The following TRDN variants were observed in gnomAD, a reference collection of about 807,000 sequenced individuals.
TRDN encodes triadin in skeletal muscle.
In TRDN, 161 loss-of-function variants were observed where a neutral mutation model predicts 149.7. The observed-to-expected ratio is 1.08, with a 90% confidence interval of 0.95 to 1.23. TRDN has a LOEUF of 1.23. TRDN is among the 50% of genes most tolerant of loss of function. The pLI, the probability that TRDN is intolerant of heterozygous loss-of-function variation, is 0.00. For missense variants in TRDN, 896 were observed against 823.5 expected (o/e 1.09, Z -1.08); for synonymous variants, 294 against 250.5 (o/e 1.17, Z -1.64).
intron 1 of TRDN, among the ~76,000 whole-genome samples, chr6:123,619,285 T>C (rs1785257698): frequency 6.6e-6 from 1 of 152,132 alleles, no homozygotes; most frequent in South Asian, 2.1e-4. Flanking sequence ...CTGCCTCTGC[T>C]CCACAGTTGT....
chr6:123,351,330 T>A (rs1229794491), intron 21 of TRDN: 2 of 958,926 alleles, frequency 2.1e-6, no homozygotes, highest in Non-Finnish European at 2.5e-6. Context: ...AGATCAGGGA[T>A]AATTACCTTT....
intron 22 of TRDN, among the ~76,000 whole-genome samples, chr6:123,336,511 C>T (rs751279588): frequency 6.6e-6 from 1 of 151,964 alleles, no homozygotes; most frequent in Non-Finnish European, 1.5e-5. Flanking sequence ...CAGGAAAAAA[C>T]TTCCTGGTCA....
Position 123,382,958 on chromosome 6 carries a change from C to A in TRDN, c.1136-811G>T, listed in dbSNP as rs577840810. Among the ~76,000 whole-genome samples, 3 of 152,092 alleles carry A rather than the reference C, an allele frequency of 2.0e-5. 1 individual carries two copies. The South Asian group carries it at 6.2e-4, about 32-fold the overall frequency. ...TTTTTTAATCTTCTTTGTCCTTTTA[C>A]TGTTTCTGTAAGAACTTTTAAATTC... On this transcript the variant is annotated intron_variant, in intron 14 of 40. Transcript: ENST00000334268.
At chr6:123,574,235 C>T (rs1404007404) in intron 1 of TRDN, among the ~76,000 whole-genome samples, 7 of 151,644 alleles carry the variant, frequency 4.6e-5, no homozygotes, top group African/African-American at 1.5e-4. Flanking sequence ...ATAGTGACAA[C>T]AAATCTCTTT....
intron 2 of TRDN, among the ~76,000 whole-genome samples, chr6:123,552,115 T>G (rs919414921): frequency 6.6e-6 from 1 of 152,120 alleles, no homozygotes; most frequent in Non-Finnish European, 1.5e-5. Context: ...TTATATGAGA[T>G]AAGAAATGTT....
Position 123,227,751 on chromosome 6 carries a change from T to TTTTG in TRDN, c.1976-3624_1976-3621dup, listed in dbSNP as rs376530623. Among the ~76,000 whole-genome samples the TTTTG allele has an allele frequency of 1.7e-3, 202 of 117,220 alleles. 5 individuals are homozygous for TTTTG. The East Asian group carries it at 0.031, about 18-fold the overall frequency. The allele number at this position is 117,220 out of a possible 152,430, so 76.9% of individuals were successfully genotyped here. A position where few individuals can be genotyped will look rare whatever the true frequency, so the allele number is the denominator to read the frequency against. The stretch of plus-strand genomic sequence containing the variant: ...TTTGTTTGTTTGTTTGTTTGTTTGT[T>TTTTG]TTTGTTTGTTTTTTGAGATAAGATC... On this transcript the variant is annotated intron_variant, in intron 38 of 40. Coordinates refer to ENST00000334268, the MANE Select transcript of TRDN (RefSeq NM_006073.4).
chr6:123,544,943 C>T (rs530073639), intron 4 of TRDN, among the ~76,000 whole-genome samples: 3 of 151,954 alleles, frequency 2.0e-5, no homozygotes, highest in South Asian at 4.1e-4. Flanking sequence ...ACCATTATTC[C>T]ATACCAAATT....
At chr6:123,259,427 A>G (rs1776679900) in intron 35 of TRDN, among the ~76,000 whole-genome samples, 197 bp downstream of exon 35, 1 of 152,108 alleles carries the variant, frequency 6.6e-6, no homozygotes, top group Non-Finnish European at 1.5e-5. Flanking sequence ...TGATCCTTTT[A>G]GATATTTAAT....
At chr6:123,590,600 T>TA (rs1340758168) in intron 1 of TRDN, among the ~76,000 whole-genome samples, 1 of 151,982 alleles carries the variant, frequency 6.6e-6, no homozygotes, top group African/African-American at 2.4e-5. Flanking sequence ...CCGTCTCTAC[T>TA]AAAAATACAA....
At chr6:123,505,118 C>A (rs1302453574) in intron 7 of TRDN, among the ~76,000 whole-genome samples, 1 of 151,804 alleles carries the variant, frequency 6.6e-6, no homozygotes, top group Non-Finnish European at 1.5e-5. Flanking sequence ...GTGGTGCATG[C>A]CTGTAATCCC....
At chr6:123,464,376 T>TTG in intron 10 of TRDN, 7 of 973,690 alleles carry the variant, frequency 7.2e-6, no homozygotes, top group Non-Finnish European at 8.5e-6. Flanking sequence ...AAAACAGTAT[T>TTG]TGTGTGTGTG....
At chr6:123,254,909 A>G (rs1342030394) in intron 37 of TRDN, 172 bp downstream of exon 37, 1 of 547,254 alleles carries the variant, frequency 1.8e-6, no homozygotes. Context: ...CTTATTTTCT[A>G]TTGAAATATA....
intron 10 of TRDN, among the ~76,000 whole-genome samples, chr6:123,453,911 G>GTGTGTGTGTGTA (rs1411312249): frequency 8.6e-5 from 13 of 151,962 alleles, no homozygotes; most frequent in African/African-American, 2.9e-4. Context: ...GTGTGTGTGT[G>GTGTGTGTGTGTA]TGTATGTATA....
chr6:123,249,644 T>G (rs1375620538), intron 38 of TRDN, among the ~76,000 whole-genome samples: 1 of 151,850 alleles, frequency 6.6e-6, no homozygotes, highest in Non-Finnish European at 1.5e-5. Context: ...ATGGATGGAG[T>G]TGAAGCCCAT....
chr6:123,276,523 G>A (rs1431290), intron 26 of TRDN, among the ~76,000 whole-genome samples: 27,505 of 151,936 alleles, frequency 0.18, 3,079 homozygotes, highest in East Asian at 0.54. Context: ...ACCGTTAATC[G>A]AATAAGAACT....
intron 8 of TRDN, 108 bp downstream of exon 8, chr6:123,503,611 C>A: frequency 2.6e-6 from 4 of 1,533,210 alleles, no homozygotes; most frequent in Non-Finnish European, 3.5e-6. Context: ...TCTTTTACCC[C>A]CATTTGAAGT....
intron 9 of TRDN, among the ~76,000 whole-genome samples, chr6:123,475,201 C>T (rs1173966049): frequency 3.0e-4 from 45 of 148,362 alleles, no homozygotes; most frequent in African/African-American, 8.4e-4. Context: ...ATCAAATAGA[C>T]GCAATAAAAA....
At position 123,571,093 on chromosome 6, in the gene TRDN, T is replaced by C. The variant is rs1311784170; in HGVS notation, c.62A>G (p.Asn21Ser). 6.2e-7 allele frequency: 1 copy of C among 1,613,834 alleles called. No individual in the cohort carries two copies. The highest frequency in any genetic ancestry group is 2.2e-5 in the East Asian group (1 of 44,882). The change falls in exon 2 of 41, where the codon AAT becomes AGT. Residue 21 changes from asparagine (N) to serine (S), a missense_variant. Asn to Ser is a conservative substitution (Grantham distance 46). Coordinates refer to ENST00000334268, the MANE Select transcript of TRDN (RefSeq NM_006073.4). ...TCCGGGGGATTTGGGCACAGATCCA[T>C]TTTTGCTGTCTATCACAGTTGTGGT... ...STTTTVIDSK[N>S]GSVPKSPGKV...
At chr6:123,255,325 A>G (rs1413216404) in intron 36 of TRDN, among the ~76,000 whole-genome samples, 200 bp from the exon 37 acceptor site, 2 of 152,140 alleles carry the variant, frequency 1.3e-5, no homozygotes, top group Non-Finnish European at 2.9e-5. Context: ...ACAGAGGTAT[A>G]ACATGAATGT....
Sources: gnomAD v4.1 joint callset for allele counts (sites outside exome capture counted in the v4.1 genomes callset) on GRCh38, gnomAD v4.1.1 for gene constraint, MANE v1.5 for transcripts, NCBI Gene and HGNC (gene_info 2026-07-23, HGNC 2026-07-21) for gene names.